PLD1: variants seen among roughly 807,000 people sequenced by gnomAD.
PLD1 encodes the protein phospholipase D1.
Under a neutral mutation model 137.1 loss-of-function variants are expected in PLD1, and 112 were observed. That is an observed-to-expected ratio of 0.82 (90% CI 0.70 to 0.96). PLD1 has a LOEUF of 0.96. PLD1 is among the 40% of genes least tolerant of loss of function. The pLI is 0.00. For missense variants in PLD1, 1,321 were observed against 1,342.0 expected (o/e 0.98, Z 0.24); for synonymous variants, 431 against 454.7 (o/e 0.95, Z 0.66).
In PLD1 at chr3:171,737,967, C is replaced by T. The variant is rs1353139460; in HGVS notation, c.85G>A (p.Asp29Asn). 1.2e-6 allele frequency: 2 copies of T among 1,613,958 alleles called. No individual in the cohort carries two copies. The change falls in exon 2 of 27, where the codon GAC becomes AAC. Residue 29 changes from aspartate (D) to asparagine (N), a missense_variant. By Grantham distance (23) the Asp-to-Asn change is conservative. Coordinates refer to ENST00000351298, the MANE Select transcript of PLD1 (RefSeq NM_002662.5). Reference protein sequence around the residue: ...ADMSNIIENLDTRELHFEGEE... With the variant: ...ADMSNIIENLNTRELHFEGEE... ...CCCTCAAAGTGGAGTTCCCGCGTGTCCAGATTTTCTATGATATTACTCATG... is the reference window on the plus strand; with the variant it reads ...CCCTCAAAGTGGAGTTCCCGCGTGTTCAGATTTTCTATGATATTACTCATG...
At chr3:171,700,508 G>C (rs1012269822) in intron 11 of PLD1, among the ~76,000 whole-genome samples, 1 of 152,168 alleles carries the variant, frequency 6.6e-6, no homozygotes, top group African/African-American at 2.4e-5. Flanking sequence ...CTAAGGGGAA[G>C]ACCATAACCC....
At chr3:171,641,728 T>A (rs1188719533) in intron 23 of PLD1, among the ~76,000 whole-genome samples, 1 of 152,142 alleles carries the variant, frequency 6.6e-6, no homozygotes, top group Admixed American at 6.6e-5. Flanking sequence ...TCCCTCATAA[T>A]CTTACCCACA....
intron 9 of PLD1, among the ~76,000 whole-genome samples, chr3:171,711,817 T>TAA (rs36106956): frequency 0.022 from 2,196 of 99,096 alleles, 73 homozygotes; most frequent in African/African-American, 0.081. Flanking sequence ...TTATAAATGC[T>TAA]AAAAAAAAAA....
chr3:171,764,945 A>AGGAAGGAAG lies in PLD1; in HGVS notation c.-31-26864_-31-26863insCTTCCTTCC, dbSNP rs377335005. 5.7e-4 allele frequency among the ~76,000 whole-genome samples: 16 copies of AGGAAGGAAG among 27,852 alleles called. 2 individuals carry two copies. Among genetic ancestry groups the AGGAAGGAAG allele is most frequent in the East Asian group, 7.7e-4 (1 of 1,294 alleles). 18.3% of individuals were successfully genotyped at this position (27,852 alleles called of 152,430 possible). A position where few individuals can be genotyped will look rare whatever the true frequency, so the allele number is the denominator to read the frequency against. ...GAAAGGAAAGAAAGGAAAGAAAGAA[A>AGGAAGGAAG]GAAAGAAAGAAAGAAAGAAAGAAAG... On this transcript the variant is annotated intron_variant, in intron 1 of 26. Coordinates refer to ENST00000351298, the MANE Select transcript of PLD1 (RefSeq NM_002662.5).
Position 171,642,820 on chromosome 3 carries a change from G to GA in PLD1, c.2593+19dup, listed in dbSNP as rs1267876936. The GA allele has an allele frequency of 1.4e-5, 20 of 1,455,688 alleles. No individual in the cohort carries two copies. The highest frequency in any genetic ancestry group is 1.8e-5 in the Non-Finnish European group (19 of 1,052,684). 90.2% of individuals were successfully genotyped at this position (1,455,688 alleles called of 1,614,324 possible). ...TTCATAATAAAAAACAATGATATGA[G>GA]AAAAAAAGCAGTTACTTACGCTCTG... On this transcript the variant is annotated intron_variant, in intron 23 of 26. Coordinates refer to ENST00000351298, the MANE Select transcript of PLD1 (RefSeq NM_002662.5).
At chr3:171,647,284 G>A (rs1242620021) in intron 21 of PLD1, among the ~76,000 whole-genome samples, 1 of 152,072 alleles carries the variant, frequency 6.6e-6, no homozygotes, top group African/African-American at 2.4e-5. Context: ...AAGAGGTTAA[G>A]CTGAACAGGA....
rs756252919 is a variant in PLD1 at position 171,602,954 on chromosome 3, A to G, written c.*124T>C. ...GACTGCAGCCCTCCCCAGTCATTCC[A>G]AAAGGTCCTTGGGTTGGATACGAGA... On this transcript the variant is annotated 3_prime_UTR_variant, in exon 27 of 27. Transcript: ENST00000351298. 8.7e-5 allele frequency: 58 copies of G among 668,572 alleles called. No individual in the cohort carries two copies. Among genetic ancestry groups the G allele is most frequent in the Non-Finnish European group, 1.3e-4 (52 of 385,352 alleles). The allele number at this position is 668,572 out of a possible 1,614,324, so 41.4% of individuals were successfully genotyped here.
chr3:171,648,800 C>T (rs1182956032), intron 21 of PLD1, among the ~76,000 whole-genome samples: 2 of 152,158 alleles, frequency 1.3e-5, no homozygotes, highest in Admixed American at 6.5e-5. Flanking sequence ...GTGATCCACC[C>T]GCCTCGGCCT....
intron 6 of PLD1, among the ~76,000 whole-genome samples, chr3:171,728,094 G>A (rs1401290526): frequency 6.6e-6 from 1 of 152,162 alleles, no homozygotes; most frequent in African/African-American, 2.4e-5. Flanking sequence ...TGGATCACTT[G>A]AGGTCAAGAG....
At chr3:171,665,649 G>A (rs956211758) in intron 19 of PLD1, among the ~76,000 whole-genome samples, 2 of 151,138 alleles carry the variant, frequency 1.3e-5, no homozygotes, top group Admixed American at 6.6e-5. Flanking sequence ...GCAGTGAGCC[G>A]AAATCATAGC....
intron 8 of PLD1, among the ~76,000 whole-genome samples, chr3:171,718,204 G>A (rs771748076): frequency 2.4e-4 from 36 of 152,132 alleles, no homozygotes; most frequent in Non-Finnish European, 4.7e-4. Context: ...AAATCTACAA[G>A]AAACAGATAA....
intron 11 of PLD1, among the ~76,000 whole-genome samples, chr3:171,705,337 T>C (rs1185636985): frequency 6.6e-6 from 1 of 151,990 alleles, no homozygotes; most frequent in Non-Finnish European, 1.5e-5. Flanking sequence ...AACCCAAACA[T>C]CATAACCAAA....
At chr3:171,753,322 C>G (rs971380772) in intron 1 of PLD1, among the ~76,000 whole-genome samples, 1 of 152,186 alleles carries the variant, frequency 6.6e-6, no homozygotes, top group Non-Finnish European at 1.5e-5. Context: ...TGGGTTGCAT[C>G]AATACTAACA....
intron 17 of PLD1, among the ~76,000 whole-genome samples, chr3:171,677,112 T>A (rs1395376466): frequency 6.6e-6 from 1 of 152,254 alleles, no homozygotes; most frequent in African/African-American, 2.4e-5. Flanking sequence ...TATCTAAGGC[T>A]GTGTATTTGA....
At chr3:171,775,876 TTAAAA>T (rs991164473) in intron 1 of PLD1, among the ~76,000 whole-genome samples, 5 of 151,642 alleles carry the variant, frequency 3.3e-5, no homozygotes, top group East Asian at 1.9e-4. Flanking sequence ...AATTAATTAA[TTAAAA>T]TAAAAGGGGA....
chr3:171,700,339 C>T (rs1418965271), intron 11 of PLD1, among the ~76,000 whole-genome samples: 1 of 145,904 alleles, frequency 6.9e-6, no homozygotes, highest in East Asian at 1.9e-4. Flanking sequence ...CACACACTCT[C>T]TCTCTCTCTC....
Position 171,714,414 on chromosome 3 carries a change from C to T in PLD1, c.759-369G>A, listed in dbSNP as rs531897126. On this transcript the variant is annotated intron_variant, in intron 8 of 26. Coordinates refer to ENST00000351298, the MANE Select transcript of PLD1 (RefSeq NM_002662.5). ...TTACAGTGAATGCAAATGGTAACTT[C>T]ATCAGGCTGCATATAACAACATGTA... 2.6e-5 allele frequency among the ~76,000 whole-genome samples: 4 copies of T among 152,312 alleles called. No homozygotes were observed. The South Asian group carries it at 8.3e-4, about 32-fold the overall frequency.
rs71178231 is a variant in PLD1, at chr3:171,635,965, C to CTTTTTTTTTTTTT, written c.2593+6862_2593+6874dup. On this transcript the variant is annotated intron_variant, in intron 23 of 26. Transcript: ENST00000351298. ...ATGGTATGAGGTAGGGGTTCAACTT[C>CTTTTTTTTTTTTT]TTTTTTTTTTTTTTTTTTTTTTTTT... is the stretch of plus-strand genomic sequence containing the variant. Among the ~76,000 whole-genome samples the CTTTTTTTTTTTTT allele has an allele frequency of 9.5e-4, 47 of 49,272 alleles. 3 individuals are homozygous for CTTTTTTTTTTTTT. The highest frequency in any genetic ancestry group is 1.5e-3 in the African/African-American group (26 of 17,460). The allele number at this position is 49,272 out of a possible 152,430, so 32.3% of individuals were successfully genotyped here.
intron 21 of PLD1, 73 bp downstream of exon 21, chr3:171,659,138 ATG>A: frequency 2.0e-6 from 2 of 996,050 alleles, no homozygotes. Context: ...TACTTTAAAA[ATG>A]GGCTTTGCAA....
Sources: gnomAD v4.1 joint callset for allele counts (sites outside exome capture counted in the v4.1 genomes callset) on GRCh38, gnomAD v4.1.1 for gene constraint, MANE v1.5 for transcripts, NCBI Gene and HGNC (gene_info 2026-07-23, HGNC 2026-07-21) for gene names.